Variants in IGSF22 observed in about 807,000 individuals in gnomAD.
The protein encoded by IGSF22 is immunoglobulin superfamily, member 22.
In IGSF22, 119 loss-of-function variants were observed where a neutral mutation model predicts 127.0. The observed-to-expected ratio is 0.94, with a 90% CI of 0.81 to 1.09. The LOEUF (loss-of-function observed/expected upper bound fraction) is 1.09. IGSF22 is among the 50% of genes least tolerant of loss of function. The pLI is 0.00. For synonymous variants in IGSF22, 568 were observed against 664.7 expected (o/e 0.85, Z 2.24); for missense variants, 1,518 against 1,716.6 (o/e 0.88, Z 2.04).
At chr11:18,724,559 G>A (rs888237626) in intron 1 of IGSF22, among the ~76,000 whole-genome samples, 2 of 152,160 alleles carry the variant, frequency 1.3e-5, no homozygotes, top group African/African-American at 4.8e-5. Context: ...AGGGAGTTGA[G>A]GATACCTATT....
At position 18,715,660 on chromosome 11, in the gene IGSF22, G is replaced by A. The variant is rs371511434; in HGVS notation, c.1303C>T (p.Arg435Cys). The A allele has an allele frequency of 4.2e-5, 68 of 1,613,626 alleles. No homozygotes were observed. The highest frequency in any genetic ancestry group is 2.8e-4 in the Admixed American group (17 of 59,990). Reference sequence around the variant, plus strand: ...GTCAGCTCACACTCCAGGCATGCGCGACTCCTCTCTTTCACACGTACATTT... The same window carrying A: ...GTCAGCTCACACTCCAGGCATGCGCAACTCCTCTCTTTCACACGTACATTT... ...LKNVRVKERS[R>C]ACLECELTSK... is the part of the protein sequence containing the mutation. The change falls in exon 11 of 23, where the codon CGC becomes TGC. Residue 435 changes from arginine to cysteine, a missense_variant. Around this residue, in one of 3 missense-constraint regions of IGSF22, gnomAD observed 1,456 missense variants for 1,644.9 expected, o/e 0.89. Coordinates refer to ENST00000513874, the MANE Select transcript of IGSF22 (RefSeq NM_173588.4).
At chr11:18,724,328 A>C in intron 1 of IGSF22, 59 bp from the exon 2 acceptor site, 1 of 865,004 alleles carries the variant, frequency 1.2e-6, no homozygotes, top group Non-Finnish European at 1.9e-6. Context: ...AGATTCAGAG[A>C]TGTTATGTGT....
rs1848505863 is a variant in IGSF22 at position 18,718,597 on chromosome 11, T to G, written c.810+18A>C. The G allele has an allele frequency of 7.0e-7, 1 of 1,438,680 alleles. No individual in the cohort carries two copies. The highest frequency in any genetic ancestry group is 9.8e-7 in the Non-Finnish European group (1 of 1,020,008). The allele number at this position is 1,438,680 out of a possible 1,614,324, so 89.1% of individuals were successfully genotyped here. ...GAAGAGATATTGCCAAGGTGGACCC[T>G]GGCTAGGCATCCCCCACCTTGATCC... On this transcript the variant is annotated intron_variant, in intron 8 of 22. Coordinates refer to ENST00000513874, the MANE Select transcript of IGSF22 (RefSeq NM_173588.4).
chr11:18,707,961 A>G lies in IGSF22; in HGVS notation c.3123T>C (p.Asp1041=), dbSNP rs763515555. 3.1e-6 allele frequency: 5 copies of G among 1,614,056 alleles called. No individual in the cohort carries two copies. Among genetic ancestry groups the G allele is most frequent in the African/African-American group, 1.3e-5 (1 of 74,928 alleles). The change falls in exon 20 of 23, where the codon GAT becomes GAC. Residue 1041 remains aspartate (D), a synonymous_variant. Transcript: ENST00000513874. ...TCTCTCGGCCCTTGGTGGGAACGCC[A>G]TCTTTCTGCCAGATCACGTCAGGTG... The part of the protein sequence containing the change: ...SPPPDVIWQK[D]GVPTKGRETI...
intron 1 of IGSF22, among the ~76,000 whole-genome samples, chr11:18,725,036 T>TA (rs1160033872): frequency 6.6e-6 from 1 of 151,940 alleles, no homozygotes; most frequent in Non-Finnish European, 1.5e-5. Context: ...GCACATAAGG[T>TA]AGCCCATTAT....
At chr11:18,711,553 A>T (rs1848357228) in intron 15 of IGSF22, among the ~76,000 whole-genome samples, 1 of 152,058 alleles carries the variant, frequency 6.6e-6, no homozygotes, top group Non-Finnish European at 1.5e-5. Flanking sequence ...GCCCGCCACC[A>T]CACCCAGCTA....
intron 2 of IGSF22, among the ~76,000 whole-genome samples, chr11:18,722,622 C>CA (rs71443713): frequency 0.82 from 124,447 of 152,002 alleles, 51,056 homozygotes; most frequent in Middle Eastern, 0.92. Context: ...ATTTGGAAAA[C>CA]AAAAAAAACT....
chr11:18,707,362 T>C (rs1848261018), intron 20 of IGSF22, 149 bp from the exon 21 acceptor site: 1 of 703,592 alleles, frequency 1.4e-6, no homozygotes, highest in Non-Finnish European at 2.2e-6. Flanking sequence ...TTCTGAAGTC[T>C]GCTCTGCCAT....
intron 9 of IGSF22, 66 bp from the exon 10 acceptor site, chr11:18,717,066 G>A: frequency 6.4e-7 from 1 of 1,550,558 alleles, no homozygotes; most frequent in Non-Finnish European, 8.8e-7. Context: ...GTGGTGAAGA[G>A]GGCACTCACA....
At chr11:18,708,104 G>A (rs1848280862) in intron 19 of IGSF22, 103 bp downstream of exon 19, 11 of 1,525,200 alleles carry the variant, frequency 7.2e-6, no homozygotes, top group Non-Finnish European at 9.9e-6. Context: ...CTAGGGGTCT[G>A]GTGAGGGGCA....
At chr11:18,706,287 C>T in intron 21 of IGSF22, 141 bp from the exon 22 acceptor site, 3 of 829,638 alleles carry the variant, frequency 3.6e-6, no homozygotes, top group Middle Eastern at 3.6e-4. Context: ...CCCAATGTTA[C>T]ACTGGTTCTT....
intron 4 of IGSF22, among the ~76,000 whole-genome samples, chr11:18,720,841 A>C (rs1333267191): frequency 6.6e-6 from 1 of 152,182 alleles, no homozygotes. Context: ...CTTAGGGTCC[A>C]GTGATGATGG....
chr11:18,724,332 T>C, intron 1 of IGSF22, 63 bp from the exon 2 acceptor site: 1 of 833,586 alleles, frequency 1.2e-6, no homozygotes, highest in East Asian at 2.5e-5. Flanking sequence ...TCAGAGATGT[T>C]ATGTGTGTGT....
At chr11:18,710,947 T>G in intron 15 of IGSF22, 119 bp from the exon 16 acceptor site, 1 of 890,552 alleles carries the variant, frequency 1.1e-6, no homozygotes, top group Non-Finnish European at 1.7e-6. Flanking sequence ...TCTTTTTTCT[T>G]TTTCCTTTTT....
In IGSF22 at chr11:18,712,479, A is replaced by T. The variant is rs1848376055; in HGVS notation, c.2096-95T>A. 22 of 1,183,010 alleles carry T rather than the reference A, an allele frequency of 1.9e-5. No homozygotes were observed. In the South Asian group the frequency reaches 3.6e-4, roughly 19 times the overall value. The allele number at this position is 1,183,010 out of a possible 1,614,324, so 73.3% of individuals were successfully genotyped here. On this transcript the variant is annotated intron_variant, in intron 14 of 22. Coordinates refer to ENST00000513874, the MANE Select transcript of IGSF22 (RefSeq NM_173588.4). ...CAAAGGTCTGCCCAGACTAGGGTAT[A>T]GCTGGATTTTGAGCTTTTTGGATCC...
intron 7 of IGSF22, 29 bp from the exon 8 acceptor site, chr11:18,718,757 G>C: frequency 7.1e-7 from 1 of 1,409,594 alleles, no homozygotes; most frequent in Non-Finnish European, 1.0e-6. Flanking sequence ...AAAATGACAA[G>C]TGTCAGTGGT....
chr11:18,719,604 A>T lies in IGSF22; in HGVS notation c.696+112T>A, dbSNP rs1564875249. 1.1e-5 allele frequency: 11 copies of T among 997,232 alleles called. No homozygotes were observed. The East Asian group carries it at 2.4e-4, about 22-fold the overall frequency. The allele number at this position is 997,232 out of a possible 1,614,324, so 61.8% of individuals were successfully genotyped here. ...CACAGTGGAGAGTACGCCTCTGAGTATGTGTGTGCAGAACTGGGGAGACCT... is the reference window on the plus strand; with the variant it reads ...CACAGTGGAGAGTACGCCTCTGAGTTTGTGTGTGCAGAACTGGGGAGACCT... On this transcript the variant is annotated intron_variant, in intron 7 of 22. Transcript: ENST00000513874.
In IGSF22 at chr11:18,719,772, C is replaced by T. The variant is rs199982292; in HGVS notation, c.640G>A (p.Asp214Asn). The change falls in exon 7 of 23, where the codon GAC (aspartate) becomes AAC (asparagine). Residue 214 changes from aspartate (D) to asparagine (N), a missense_variant. Transcript: ENST00000513874. ...AGCTTCCTGAGCAGCCCCCGAAAGT[C>T]GGTGAAACCATACTCCATGCACACC... is the stretch of plus-strand genomic sequence containing the variant. Reference protein sequence around the residue: ...EKVCMEYGFTDFRGLLRKLKE... With the variant: ...EKVCMEYGFTNFRGLLRKLKE... The T allele has an allele frequency of 3.1e-3, 4,951 of 1,614,198 alleles. 17 individuals carry two copies. Among genetic ancestry groups the T allele is most frequent in the Non-Finnish European group, 2.9e-3 (3,450 of 1,180,038 alleles).
Position 18,705,811 on chromosome 11 carries a change from C to G in IGSF22, c.3910+6G>C. ...TCCTCGAGGCCGGACCCCGCGGCGC[C>G]CTCACCATAGACGGTGAGCGTGCAG... is the stretch of plus-strand genomic sequence containing the variant. On this transcript the variant is annotated splice_donor_region_variant and intron_variant, in intron 22 of 22. Transcript: ENST00000513874. 6.5e-7 allele frequency: 1 copy of G among 1,532,774 alleles called. No individual in the cohort carries two copies. The highest frequency in any genetic ancestry group is 8.8e-7 in the Non-Finnish European group (1 of 1,135,824). The allele number at this position is 1,532,774 out of a possible 1,614,324, so 94.9% of individuals were successfully genotyped here.
Sources: gnomAD v4.1 joint callset for allele counts (sites outside exome capture counted in the v4.1 genomes callset) on GRCh38, gnomAD v4.1.1 for gene constraint, gnomAD v4.1.1 regional missense constraint, MANE v1.5 for transcripts, NCBI Gene and HGNC (gene_info 2026-07-23, HGNC 2026-07-21) for gene names.